Variants in PRRG1 observed in about 807,000 individuals in gnomAD.
PRRG1 encodes the protein transmembrane gamma-carboxyglutamic acid protein 1.
In PRRG1, 5 loss-of-function variants were observed where a neutral mutation model predicts 11.8. The ratio of observed to expected loss-of-function variants is 0.42; its 90% CI spans 0.22 to 0.89. The LOEUF (loss-of-function observed/expected upper bound fraction) is 0.89. Among genes scored for constraint, PRRG1 ranks in the 40% least tolerant of loss-of-function variants. PRRG1 has a pLI of 0.28. For synonymous variants in PRRG1, 66 were observed against 60.4 expected, an observed-to-expected ratio of 1.09 and a Z score of -0.43; for missense variants, 155 against 166.1, an observed-to-expected ratio of 0.93 and a Z score of 0.37.
intron 1 of PRRG1, among the ~76,000 whole-genome samples, chrX:37,352,474 G>T (rs921162310): frequency 1.8e-5 from 2 of 111,391 alleles, no homozygotes; most frequent in Non-Finnish European, 3.8e-5. Context: ...CATCATCTGT[G>T]GACCTACTGA....
rs1921340391 is a variant in PRRG1, at chrX:37,455,939, G to A, written c.*2318G>A. 9.0e-6 allele frequency: 1 copy of A among 111,718 alleles called. No homozygotes were observed. 9.2% of individuals were successfully genotyped at this position (111,718 alleles called of 1,213,427 possible). Reference sequence around the variant, plus strand: ...TGGGTTCCTTGAGAGCCTTTCAGGGGGGACTATGAGATCAAAATATTTTTA... The same window carrying A: ...TGGGTTCCTTGAGAGCCTTTCAGGGAGGACTATGAGATCAAAATATTTTTA... On this transcript the variant is annotated 3_prime_UTR_variant, in exon 4 of 4. Coordinates refer to ENST00000378628, the MANE Select transcript of PRRG1 (RefSeq NM_001142395.2).
chrX:37,439,845 G>T (rs1932944135), intron 3 of PRRG1, among the ~76,000 whole-genome samples: 1 of 99,629 alleles, frequency 1.0e-5, no homozygotes, highest in Admixed American at 1.1e-4. Context: ...TGTTGCCCAG[G>T]CTGGAGTGCA....
chrX:37,371,500 T>C (rs1431882092), intron 1 of PRRG1, among the ~76,000 whole-genome samples: 2 of 112,763 alleles, frequency 1.8e-5, no homozygotes, highest in East Asian at 5.6e-4. Flanking sequence ...CTCATTACGT[T>C]GTAGGCAACA....
At chrX:37,366,192 A>T (rs1249536633) in intron 1 of PRRG1, among the ~76,000 whole-genome samples, 2 of 112,040 alleles carry the variant, frequency 1.8e-5, no homozygotes, top group Admixed American at 1.9e-4. Flanking sequence ...CTGTAGTCTG[A>T]CCCAATTCTT....
At chrX:37,417,804 A>C (rs921160088) in intron 2 of PRRG1, among the ~76,000 whole-genome samples, 6 of 112,154 alleles carry the variant, frequency 5.3e-5, no homozygotes, top group African/African-American at 1.9e-4. Context: ...AAAACAAAGA[A>C]TTATGAGTTT....
chrX:37,362,182 TATAAA>T (rs1259630122), intron 1 of PRRG1, among the ~76,000 whole-genome samples: 5 of 112,351 alleles, frequency 4.5e-5, no homozygotes, highest in South Asian at 3.7e-4. Context: ...TGAACTATAG[TATAAA>T]ATAAATACAT....
chrX:37,453,689 C>T lies in PRRG1; in HGVS notation c.*68C>T. On this transcript the variant is annotated 3_prime_UTR_variant, in exon 4 of 4. Transcript: ENST00000378628. ...ATGGAAGAACTTTCTAGCACTTTACCACTACATAAATGTTCATTGACTTAT... is the reference window on the plus strand; with the variant it reads ...ATGGAAGAACTTTCTAGCACTTTACTACTACATAAATGTTCATTGACTTAT... The T allele has an allele frequency of 1.9e-6, 2 of 1,027,563 alleles. No individual in the cohort carries two copies. Among genetic ancestry groups the T allele is most frequent in the Non-Finnish European group, 2.6e-6 (2 of 772,541 alleles). 84.7% of individuals were successfully genotyped at this position (1,027,563 alleles called of 1,213,427 possible).
At chrX:37,400,169 C>T (rs1169583977) in intron 1 of PRRG1, among the ~76,000 whole-genome samples, 1 of 111,668 alleles carries the variant, frequency 9.0e-6, no homozygotes, top group African/African-American at 3.3e-5. Context: ...CCCAAATCAA[C>T]AGAATATACA....
chrX:37,388,190 G>A (rs1556375708), intron 1 of PRRG1, among the ~76,000 whole-genome samples: 1 of 112,060 alleles, frequency 8.9e-6, no homozygotes, highest in African/African-American at 3.2e-5. Context: ...TGCTTTCAAG[G>A]GCTGATGTTG....
At chrX:37,410,320 A>T (rs1932318213) in intron 2 of PRRG1, among the ~76,000 whole-genome samples, 1 of 112,101 alleles carries the variant, frequency 8.9e-6, no homozygotes, top group African/African-American at 3.2e-5. Context: ...CATAAGAAAA[A>T]GTCTTATCTG....
At chrX:37,369,363 A>C (rs1930684751) in intron 1 of PRRG1, among the ~76,000 whole-genome samples, 1 of 110,786 alleles carries the variant, frequency 9.0e-6, no homozygotes, top group African/African-American at 3.3e-5. Context: ...TCAGTCCTCC[A>C]TTTTTTTTAA....
intron 1 of PRRG1, among the ~76,000 whole-genome samples, chrX:37,380,688 G>A (rs1017546404): frequency 4.5e-5 from 5 of 110,893 alleles, no homozygotes; most frequent in Admixed American, 2.9e-4. Flanking sequence ...GGGGAAAGAA[G>A]GAATTTACAG....
At chrX:37,397,179 C>T (rs1931747380) in intron 1 of PRRG1, among the ~76,000 whole-genome samples, 1 of 112,458 alleles carries the variant, frequency 8.9e-6, no homozygotes, top group Non-Finnish European at 1.9e-5. Context: ...ATTTTATATA[C>T]ATTAGAAAAT....
intron 1 of PRRG1, chrX:37,386,782 G>C (rs1309471249): frequency 8.9e-6 from 1 of 111,952 alleles, no homozygotes; most frequent in Non-Finnish European, 1.9e-5. Context: ...GTAAAGTGGG[G>C]ATAATAATAG....
chrX:37,450,992 TTTTTGTTTTGTTTTG>T lies in PRRG1; in HGVS notation c.172-2116_172-2102del, dbSNP rs560769877. On this transcript the variant is annotated intron_variant, in intron 3 of 3. Coordinates refer to ENST00000378628, the MANE Select transcript of PRRG1 (RefSeq NM_001142395.2). ...AAGTGATTCGTTTTCATTTTTGCTG[TTTTTGTTTTGTTTTG>T]TTTTGTTTTGTTTTGTTTTGTTTTG... Among the ~76,000 whole-genome samples, 13 of 106,539 alleles carry T rather than the reference TTTTTGTTTTGTTTTG, an allele frequency of 1.2e-4. No homozygotes were observed. The South Asian group carries it at 1.7e-3, about 14-fold the overall frequency. 92.5% of individuals were successfully genotyped at this position (106,539 alleles called of 115,157 possible). A position where few individuals can be genotyped will look rare whatever the true frequency, so the allele number is the denominator to read the frequency against.
At chrX:37,447,558 A>G (rs1933099787) in intron 3 of PRRG1, among the ~76,000 whole-genome samples, 1 of 112,461 alleles carries the variant, frequency 8.9e-6, no homozygotes, top group African/African-American at 3.2e-5. Flanking sequence ...CTTTTACCCA[A>G]CTGTTTTCCC....
intron 3 of PRRG1, among the ~76,000 whole-genome samples, chrX:37,427,126 T>C: frequency 8.9e-6 from 1 of 112,012 alleles, no homozygotes. Context: ...TATCAAATAA[T>C]AGAAATTATA....
chrX:37,411,705 C>T (rs1385547703), intron 2 of PRRG1, among the ~76,000 whole-genome samples: 2 of 111,731 alleles, frequency 1.8e-5, no homozygotes, highest in Non-Finnish European at 3.8e-5. Context: ...CACTGTCTAC[C>T]TTAAAAGCAG....
At chrX:37,423,042 T>C (rs1177695420) in intron 2 of PRRG1, among the ~76,000 whole-genome samples, 2 of 111,026 alleles carry the variant, frequency 1.8e-5, no homozygotes, top group East Asian at 5.6e-4. Flanking sequence ...GCTCCATGCA[T>C]GTTATTGTCC....
Sources: gnomAD v4.1 joint callset for allele counts (sites outside exome capture counted in the v4.1 genomes callset) on GRCh38, gnomAD v4.1.1 for gene constraint, MANE v1.5 for transcripts, NCBI Gene and HGNC (gene_info 2026-07-23, HGNC 2026-07-21) for gene names.